RALY: variants seen among roughly 807,000 people sequenced by gnomAD.
The protein encoded by RALY is RALY heterogeneous nuclear ribonucleoprotein, also known as RNA-binding protein Raly.
Under a neutral mutation model 30.7 loss-of-function variants are expected in RALY, and 15 were observed. That is an observed-to-expected ratio of 0.49 (90% CI 0.33 to 0.75). The LOEUF is 0.75. Ranked by LOEUF, RALY falls within the 30% of genes least tolerant of loss-of-function variation. RALY has a pLI of 0.02. For synonymous variants in RALY, 177 were observed against 170.8 expected, an observed-to-expected ratio of 1.04 and a Z score of -0.28; for missense variants, 339 against 414.3, an observed-to-expected ratio of 0.82 and a Z score of 1.58.
rs778535684 is a variant in RALY, at chr20:34,073,588, G to A, written c.282G>A (p.Lys94=). 3.1e-6 allele frequency: 5 copies of A among 1,604,732 alleles called. No homozygotes were observed. ...ACATCAACATGGCTGGAGAGCCTAA[G>A]CCTGACAGACCCAAGGGGCTAAAGA... The part of the protein sequence containing the change: ...TLDINMAGEP[K]PDRPKGLKRA... Residue 94 remains lysine (K), a synonymous_variant, in exon 4 of 10, where the codon AAG becomes AAA. Coordinates refer to ENST00000246194, the MANE Select transcript of RALY (RefSeq NM_016732.3).
chr20:33,999,163 G>A (rs1376776835), intron 1 of RALY, among the ~76,000 whole-genome samples: 2 of 151,180 alleles, frequency 1.3e-5, no homozygotes, highest in Non-Finnish European at 3.0e-5. Flanking sequence ...AGGTGGAATT[G>A]AGTGATGAGA....
At chr20:34,032,668 C>G (rs1481873173) in intron 2 of RALY, among the ~76,000 whole-genome samples, 2 of 152,026 alleles carry the variant, frequency 1.3e-5, no homozygotes, top group African/African-American at 4.8e-5. Context: ...GCTCTGAAAC[C>G]TCATTTTATA....
intron 8 of RALY, among the ~76,000 whole-genome samples, chr20:34,077,868 C>T (rs751395504): frequency 2.0e-5 from 3 of 152,200 alleles, no homozygotes; most frequent in Non-Finnish European, 4.4e-5. Context: ...TAACAAGAGC[C>T]CTGTACTATG....
chr20:33,998,391 C>T (rs1355579749), intron 1 of RALY, among the ~76,000 whole-genome samples: 1 of 152,194 alleles, frequency 6.6e-6, no homozygotes, highest in East Asian at 1.9e-4. Context: ...AGAGATAAGA[C>T]TGTTCTAGGT....
chr20:34,020,685 G>T (rs1267415903), intron 1 of RALY, among the ~76,000 whole-genome samples: 10 of 152,214 alleles, frequency 6.6e-5, no homozygotes, highest in African/African-American at 1.9e-4. Flanking sequence ...GATTGCTTTT[G>T]CACTACAGTG....
chr20:34,054,389 T>TAG (rs1337210776), intron 2 of RALY, among the ~76,000 whole-genome samples: 1 of 152,100 alleles, frequency 6.6e-6, no homozygotes, highest in East Asian at 1.9e-4. Context: ...CAGCAGAGAG[T>TAG]ATCTGGGTCC....
At position 34,066,242 on chromosome 20, in the gene RALY, A is replaced by C. The variant is rs562407256; in HGVS notation, c.-9-5824A>C. ...AGTGGCTTATGCCTGTAATCCCAGC[A>C]GTTTGGGAAGCAAAGGAGGGTGGAT... On this transcript the variant is annotated intron_variant, in intron 2 of 9. Transcript: ENST00000246194. 4.1e-5 allele frequency among the ~76,000 whole-genome samples: 6 copies of C among 147,806 alleles called. No homozygotes were observed. The East Asian group carries it at 1.2e-3, about 29-fold the overall frequency.
intron 1 of RALY, among the ~76,000 whole-genome samples, chr20:34,023,776 A>G (rs1425117537): frequency 6.6e-6 from 1 of 152,032 alleles, no homozygotes; most frequent in African/African-American, 2.4e-5. Flanking sequence ...CAGTCTCCTT[A>G]TTCCCAATCA....
chr20:34,013,921 G>A (rs760680659), intron 1 of RALY, among the ~76,000 whole-genome samples: 2 of 152,176 alleles, frequency 1.3e-5, no homozygotes, highest in Non-Finnish European at 2.9e-5. Context: ...AAATATGACA[G>A]TGCGCTTTAA....
intron 1 of RALY, among the ~76,000 whole-genome samples, chr20:33,996,192 CCTTA>C (rs1452465869): frequency 1.3e-5 from 2 of 152,250 alleles, no homozygotes; most frequent in South Asian, 4.2e-4. Context: ...ATAGCACTTG[CCTTA>C]GATGACAGAA....
intron 6 of RALY, chr20:34,076,353 T>C: frequency 2.0e-6 from 1 of 503,682 alleles, no homozygotes; most frequent in African/African-American, 1.9e-5. Flanking sequence ...GGTACACACA[T>C]GCTGCTTAAC....
chr20:33,996,594 A>G (rs1278263184), intron 1 of RALY, among the ~76,000 whole-genome samples: 3 of 151,608 alleles, frequency 2.0e-5, no homozygotes, highest in African/African-American at 7.3e-5. Context: ...TGCAGACAGT[A>G]TAACCTTAAA....
At chr20:34,044,597 C>T (rs560432298) in intron 2 of RALY, among the ~76,000 whole-genome samples, 4 of 151,998 alleles carry the variant, frequency 2.6e-5, no homozygotes, top group East Asian at 1.9e-4. Context: ...CTCGGCCTCC[C>T]GAAGCTGGGA....
At chr20:33,998,121 T>G (rs923764904) in intron 1 of RALY, among the ~76,000 whole-genome samples, 2 of 152,230 alleles carry the variant, frequency 1.3e-5, no homozygotes, top group African/African-American at 4.8e-5. Flanking sequence ...ACTGAAGAAT[T>G]AATGAGCCTC....
chr20:34,069,013 C>T (rs2033654150), intron 2 of RALY, among the ~76,000 whole-genome samples: 1 of 152,182 alleles, frequency 6.6e-6, no homozygotes, highest in Non-Finnish European at 1.5e-5. Flanking sequence ...GAGCATTTCT[C>T]CTTTTAACTG....
At chr20:34,039,769 T>C (rs1038989845) in intron 2 of RALY, among the ~76,000 whole-genome samples, 1 of 152,140 alleles carries the variant, frequency 6.6e-6, no homozygotes, top group Non-Finnish European at 1.5e-5. Flanking sequence ...CAATTCAGAT[T>C]CCTGCCAGTA....
At chr20:34,005,432 C>T (rs1013606946) in intron 1 of RALY, among the ~76,000 whole-genome samples, 1 of 151,854 alleles carries the variant, frequency 6.6e-6, no homozygotes, top group Non-Finnish European at 1.5e-5. Context: ...TCACTTGAAC[C>T]AGGGAGTTGG....
chr20:34,063,775 C>G (rs2123224133), intron 2 of RALY, among the ~76,000 whole-genome samples: 1 of 152,230 alleles, frequency 6.6e-6, no homozygotes, highest in South Asian at 2.1e-4. Context: ...TATTGTTCCT[C>G]CCTCCTGCCA....
At chr20:34,051,666 G>A (rs371748601) in intron 2 of RALY, among the ~76,000 whole-genome samples, 65 of 152,140 alleles carry the variant, frequency 4.3e-4, no homozygotes, top group African/African-American at 7.0e-4. Context: ...CGTGATCTCC[G>A]CTCACTGCAA....
Sources: allele counts gnomAD v4.1 joint callset (sites outside exome capture counted in the v4.1 genomes callset), GRCh38; gene constraint gnomAD v4.1.1; transcripts MANE v1.5; gene names NCBI Gene and HGNC (gene_info 2026-07-23, HGNC 2026-07-21).